The following AGBL4 variants were observed in gnomAD, a reference collection of about 807,000 sequenced individuals.
The protein encoded by AGBL4 is AGBL carboxypeptidase 4.
A neutral mutation model predicts 66.4 loss-of-function variants in AGBL4; 58 were observed. That is an observed-to-expected ratio of 0.87 (90% CI 0.71 to 1.09). AGBL4 has a LOEUF of 1.09. Ranked by LOEUF, AGBL4 falls within the 50% of genes least tolerant of loss-of-function variation. The pLI, the probability that AGBL4 is intolerant of heterozygous loss-of-function variation, is 0.00. For missense variants in AGBL4, 579 were observed against 631.0 expected (o/e 0.92, Z 0.88); for synonymous variants, 234 against 222.9 (o/e 1.05, Z -0.44).
intron 4 of AGBL4, among the ~76,000 whole-genome samples, chr1:49,215,432 T>G (rs1649008483): frequency 6.6e-6 from 1 of 152,104 alleles, no homozygotes; most frequent in Non-Finnish European, 1.5e-5. Context: ...GCCTCTGTTT[T>G]TTTGCTGATT....
intron 3 of AGBL4, among the ~76,000 whole-genome samples, chr1:49,268,809 T>C (rs1464222631): frequency 2.6e-5 from 4 of 152,222 alleles, no homozygotes; most frequent in Non-Finnish European, 5.9e-5. Flanking sequence ...TTAATGGTAG[T>C]CTATTTTCTT....
chr1:48,772,157 C>T (rs1223630468), intron 6 of AGBL4, among the ~76,000 whole-genome samples: 1 of 152,304 alleles, frequency 6.6e-6, no homozygotes, highest in African/African-American at 2.4e-5. Context: ...AGAGGAGTTC[C>T]CTGTCAGGCA....
chr1:48,911,718 A>AT (rs1653128549), intron 5 of AGBL4, among the ~76,000 whole-genome samples: 1 of 152,136 alleles, frequency 6.6e-6, no homozygotes. Flanking sequence ...CACCTAACAC[A>AT]TTATAAGCAC....
chr1:48,846,616 G>A (rs545772964), intron 6 of AGBL4, among the ~76,000 whole-genome samples: 1 of 152,124 alleles, frequency 6.6e-6, no homozygotes, highest in South Asian at 2.1e-4. Context: ...TCTCCTCTTG[G>A]GCTCAGTTAC....
chr1:48,721,037 G>A (rs1647138930), intron 6 of AGBL4, among the ~76,000 whole-genome samples: 1 of 151,588 alleles, frequency 6.6e-6, no homozygotes, highest in Admixed American at 6.6e-5. Context: ...ACTGAGCAGG[G>A]CCAAGCAGCT....
intron 4 of AGBL4, among the ~76,000 whole-genome samples, chr1:49,187,088 G>A (rs549023402): frequency 1.3e-5 from 2 of 152,202 alleles, no homozygotes; most frequent in Non-Finnish European, 2.9e-5. Context: ...GTATGAATAA[G>A]ATTCAGAATT....
chr1:49,207,019 A>G (rs1648203798), intron 4 of AGBL4, among the ~76,000 whole-genome samples: 1 of 152,102 alleles, frequency 6.6e-6, no homozygotes, highest in South Asian at 2.1e-4. Context: ...AGAGCTTATG[A>G]TCTCAAGATG....
chr1:49,265,928 A>C (rs1643910378), intron 3 of AGBL4, among the ~76,000 whole-genome samples: 1 of 152,160 alleles, frequency 6.6e-6, no homozygotes, highest in South Asian at 2.1e-4. Context: ...TCTCCTGCCC[A>C]TGAAGAACCA....
intron 1 of AGBL4, among the ~76,000 whole-genome samples, chr1:49,913,472 G>A (rs114867409): frequency 0.015 from 2,346 of 152,348 alleles, 67 homozygotes; most frequent in African/African-American, 0.054. Flanking sequence ...AAGGCCTCAG[G>A]CAGTCCTGCC....
intron 1 of AGBL4, among the ~76,000 whole-genome samples, chr1:49,956,938 C>T (rs1557617496): frequency 1.3e-5 from 2 of 151,744 alleles, no homozygotes; most frequent in Admixed American, 6.6e-5. Context: ...CTTTGGATGC[C>T]TGGCTAAAGA....
intron 6 of AGBL4, among the ~76,000 whole-genome samples, chr1:48,684,147 T>C (rs1013065573): frequency 1.3e-5 from 2 of 152,346 alleles, no homozygotes; most frequent in East Asian, 3.9e-4. Context: ...GCTATCACTA[T>C]GACTACAGTT....
chr1:49,988,281 C>A (rs1225876710), intron 1 of AGBL4, among the ~76,000 whole-genome samples: 1 of 152,072 alleles, frequency 6.6e-6, no homozygotes, highest in East Asian at 1.9e-4. Flanking sequence ...TTTTATCCAT[C>A]CATTTATCTA....
chr1:49,495,311 T>C (rs1647440605), intron 3 of AGBL4, among the ~76,000 whole-genome samples: 1 of 152,110 alleles, frequency 6.6e-6, no homozygotes, highest in Non-Finnish European at 1.5e-5. Context: ...GCCCTGAATG[T>C]GGCCCAATAC....
intron 6 of AGBL4, among the ~76,000 whole-genome samples, chr1:48,712,610 G>A (rs1350727082): frequency 2.0e-5 from 3 of 152,156 alleles, no homozygotes; most frequent in African/African-American, 7.2e-5. Flanking sequence ...TAAGGGACTT[G>A]CTCAGCTGCA....
Position 49,228,213 on chromosome 1 carries a change from A to G in AGBL4, c.377+17557T>C, listed in dbSNP as rs1018835805. 7.2e-5 allele frequency among the ~76,000 whole-genome samples: 11 copies of G among 152,210 alleles called. 1 individual carries two copies. Among genetic ancestry groups the G allele is most frequent in the African/African-American group, 2.7e-4 (11 of 41,462 alleles). Reference sequence around the variant, plus strand: ...AAGGTCATACTATAAATATTTTGTGAACACTTATTATTTGTCAGGCACTGT... The same window carrying G: ...AAGGTCATACTATAAATATTTTGTGGACACTTATTATTTGTCAGGCACTGT... On this transcript the variant is annotated intron_variant, in intron 4 of 13. Transcript: ENST00000371839.
chr1:49,192,465 A>G (rs1400970615), intron 4 of AGBL4, among the ~76,000 whole-genome samples: 1 of 152,002 alleles, frequency 6.6e-6, no homozygotes. Context: ...CACCCAGCTA[A>G]ATTTTGTATT....
intron 6 of AGBL4, among the ~76,000 whole-genome samples, chr1:48,754,259 C>T (rs1031432175): frequency 5.9e-5 from 9 of 152,148 alleles, no homozygotes; most frequent in Non-Finnish European, 1.3e-4. Flanking sequence ...TTACCCTCCC[C>T]CAACTGGGTC....
At chr1:49,051,762 T>C (rs962072841) in intron 4 of AGBL4, among the ~76,000 whole-genome samples, 1 of 152,160 alleles carries the variant, frequency 6.6e-6, no homozygotes, top group Non-Finnish European at 1.5e-5. Context: ...ATAATTATAA[T>C]AGTACTCCTG....
At chr1:49,503,015 C>T (rs1034663097) in intron 3 of AGBL4, among the ~76,000 whole-genome samples, 2 of 152,098 alleles carry the variant, frequency 1.3e-5, no homozygotes, top group African/African-American at 2.4e-5. Flanking sequence ...GGGCATGTCA[C>T]AGACCTTCCT....
Sources: gnomAD v4.1 joint callset for allele counts (sites outside exome capture counted in the v4.1 genomes callset) on GRCh38, gnomAD v4.1.1 for gene constraint, MANE v1.5 for transcripts, NCBI Gene and HGNC (gene_info 2026-07-23, HGNC 2026-07-21) for gene names.